The following ARHGEF37 variants were observed in gnomAD, a reference collection of about 807,000 sequenced individuals.
ARHGEF37 encodes Rho guanine nucleotide exchange factor (GEF) 37.
A neutral mutation model predicts 71.1 loss-of-function variants in ARHGEF37; 55 were observed. The ratio of observed to expected loss-of-function variants is 0.77; its 90% CI spans 0.62 to 0.97. The LOEUF is 0.97. ARHGEF37 is among the 50% of genes least tolerant of loss of function. The pLI is 0.00. For missense variants in ARHGEF37, 765 were observed against 836.8 expected (o/e 0.91, Z 1.06); for synonymous variants, 327 against 350.6 (o/e 0.93, Z 0.75).
rs1752916536 is a variant in ARHGEF37 at position 149,632,517 on chromosome 5, T to A, written c.*326T>A. 3 of 309,064 alleles carry A rather than the reference T, an allele frequency of 9.7e-6. No homozygotes were observed. The highest frequency in any genetic ancestry group is 2.1e-5 in the African/African-American group (1 of 48,092). 19.1% of individuals were successfully genotyped at this position (309,064 alleles called of 1,614,324 possible). A position where few individuals can be genotyped will look rare whatever the true frequency, so the allele number is the denominator to read the frequency against. On this transcript the variant is annotated 3_prime_UTR_variant, in exon 13 of 13. Coordinates refer to ENST00000333677, the MANE Select transcript of ARHGEF37 (RefSeq NM_001001669.3). The stretch of plus-strand genomic sequence containing the variant: ...GGTTATGGCCAGTCTTAGCTGTGCC[T>A]GCATCCGGGCCTGCCTGTGGGCGTG...
intron 7 of ARHGEF37, among the ~76,000 whole-genome samples, chr5:149,619,665 C>G (rs1364727980): frequency 6.6e-6 from 1 of 151,906 alleles, no homozygotes; most frequent in Non-Finnish European, 1.5e-5. Context: ...ATGTGAGCAA[C>G]TAATTAAATG....
At chr5:149,614,870 G>A (rs1752330585) in intron 4 of ARHGEF37, among the ~76,000 whole-genome samples, 1 of 152,168 alleles carries the variant, frequency 6.6e-6, no homozygotes, top group Non-Finnish European at 1.5e-5. Context: ...AGTATCATCA[G>A]GGAGGGCCCA....
intron 12 of ARHGEF37, among the ~76,000 whole-genome samples, chr5:149,629,215 G>GATTC (rs34166602): frequency 0.069 from 10,441 of 151,300 alleles, 1,018 homozygotes; most frequent in African/African-American, 0.22. Context: ...GGGCAAGTGA[G>GATTC]ATTCATTCAT....
intron 4 of ARHGEF37, among the ~76,000 whole-genome samples, chr5:149,612,334 A>AT (rs757269289): frequency 1.3e-5 from 2 of 152,128 alleles, no homozygotes; most frequent in East Asian, 1.9e-4. Flanking sequence ...CGCCCGGCTA[A>AT]TTTTTTGTAT....
chr5:149,629,357 A>T (rs895365437), intron 12 of ARHGEF37, among the ~76,000 whole-genome samples: 35 of 152,356 alleles, frequency 2.3e-4, no homozygotes, highest in African/African-American at 7.9e-4. Flanking sequence ...AACAGTGATT[A>T]AGAAAATAAT....
intron 1 of ARHGEF37, among the ~76,000 whole-genome samples, chr5:149,583,008 T>A (rs1397188243): frequency 6.6e-6 from 1 of 152,234 alleles, no homozygotes; most frequent in Non-Finnish European, 1.5e-5. Flanking sequence ...AGCAAGGTAC[T>A]ACCCTCAATA....
At chr5:149,604,879 C>T (rs945653548) in intron 3 of ARHGEF37, among the ~76,000 whole-genome samples, 3 of 150,870 alleles carry the variant, frequency 2.0e-5, no homozygotes, top group Non-Finnish European at 3.0e-5. Context: ...GACTGGGTTT[C>T]GCCATGTTGG....
intron 1 of ARHGEF37, among the ~76,000 whole-genome samples, chr5:149,562,566 C>T (rs1011195011): frequency 4.6e-5 from 7 of 152,184 alleles, no homozygotes; most frequent in Non-Finnish European, 7.3e-5. Flanking sequence ...CCTCAACCTC[C>T]CGAGTAGCTG....
chr5:149,567,785 T>G (rs910457415), intron 1 of ARHGEF37, among the ~76,000 whole-genome samples: 1 of 152,242 alleles, frequency 6.6e-6, no homozygotes, highest in Non-Finnish European at 1.5e-5. Context: ...ATAAATTGTT[T>G]CAGGCCCTTC....
At chr5:149,631,365 T>C (rs1752881156) in intron 12 of ARHGEF37, among the ~76,000 whole-genome samples, 1 of 152,040 alleles carries the variant, frequency 6.6e-6, no homozygotes, top group South Asian at 2.1e-4. Flanking sequence ...GAGGCAGGGT[T>C]TCACCATGTT....
At chr5:149,597,610 C>T in intron 1 of ARHGEF37, 149 bp from the exon 2 acceptor site, 1 of 655,416 alleles carries the variant, frequency 1.5e-6, no homozygotes, top group South Asian at 2.7e-5. Context: ...CAGGTACTGC[C>T]TACAAATGCT....
intron 1 of ARHGEF37, among the ~76,000 whole-genome samples, chr5:149,588,019 C>G (rs2113279354): frequency 6.6e-6 from 1 of 151,496 alleles, no homozygotes; most frequent in South Asian, 2.1e-4. Flanking sequence ...GCCTCAGCCT[C>G]CTGAGTAGCT....
rs778147068 is a variant in ARHGEF37, at chr5:149,616,613, C to T, written c.505C>T (p.Leu169=). The T allele has an allele frequency of 6.2e-7, 1 of 1,612,550 alleles. No homozygotes were observed. Among genetic ancestry groups the T allele is most frequent in the South Asian group, 1.1e-5 (1 of 90,986 alleles). The change falls in exon 5 of 13, where the codon CTG becomes TTG. Residue 169 remains leucine, a synonymous_variant. Transcript: ENST00000333677. The stretch of plus-strand genomic sequence containing the variant: ...CCTCAGTTTCTTGCTGGTAATTCCT[C>T]TGCAGAGGATCACCAGGTACCCACT... ...SGLSFLLVIP[L]QRITRYPLLL... is the part of the protein sequence containing the mutation.
At position 149,613,097 on chromosome 5, in the gene ARHGEF37, G is replaced by A. The variant is rs115722204; in HGVS notation, c.458+3402G>A. On this transcript the variant is annotated intron_variant, in intron 4 of 12. Coordinates refer to ENST00000333677, the MANE Select transcript of ARHGEF37 (RefSeq NM_001001669.3). ...CAAAGCACTGCAATTCCAGAATGATGGCTGAGGCAGCAGAGTTTGGAGAAG... is the reference window on the plus strand; with the variant it reads ...CAAAGCACTGCAATTCCAGAATGATAGCTGAGGCAGCAGAGTTTGGAGAAG... Among the ~76,000 whole-genome samples the A allele has an allele frequency of 7.4e-3, 1,133 of 152,322 alleles. 19 individuals are homozygous for A. Among genetic ancestry groups the A allele is most frequent in the African/African-American group, 0.026 (1,088 of 41,572 alleles).
chr5:149,610,034 G>A (rs76576966), intron 4 of ARHGEF37, among the ~76,000 whole-genome samples: 3,895 of 152,322 alleles, frequency 0.026, 163 homozygotes, highest in African/African-American at 0.09. Context: ...GCTCTGGAGA[G>A]TCTAATGCTG....
intron 1 of ARHGEF37, among the ~76,000 whole-genome samples, chr5:149,574,779 T>C (rs1381111205): frequency 6.6e-6 from 1 of 152,180 alleles, no homozygotes; most frequent in Non-Finnish European, 1.5e-5. Context: ...GCCCAGGTAG[T>C]CATCTCCTTA....
intron 12 of ARHGEF37, 140 bp downstream of exon 12, chr5:149,629,106 C>T: frequency 6.2e-6 from 7 of 1,133,666 alleles, no homozygotes; most frequent in Non-Finnish European, 7.2e-6. Context: ...TGATCAATGG[C>T]CATGCCAGTG....
rs571049072 is a variant in ARHGEF37 at position 149,621,350 on chromosome 5, G to A, written c.1006-383G>A. 6.2e-4 allele frequency among the ~76,000 whole-genome samples: 95 copies of A among 152,184 alleles called. 1 individual carries two copies. The highest frequency in any genetic ancestry group is 2.3e-3 in the African/African-American group (94 of 41,538). ...TGTGGTGGCATGTGCTAAGGTGGGAGGATCGCTTGAGCCTGACAGGTAGGC... is the reference window on the plus strand; with the variant it reads ...TGTGGTGGCATGTGCTAAGGTGGGAAGATCGCTTGAGCCTGACAGGTAGGC... On this transcript the variant is annotated intron_variant, in intron 8 of 12. Coordinates refer to ENST00000333677, the MANE Select transcript of ARHGEF37 (RefSeq NM_001001669.3).
Position 149,622,031 on chromosome 5 carries a change from T to A in ARHGEF37, c.1304T>A (p.Val435Glu). ...VTLQRDLAKQ[V>E]LQRAEGSMAQ... ...CTCCAGAGGGACCTTGCAAAGCAAG[T>A]GCTGCAGAGGGCAGAGGGAAGCATG... is the stretch of plus-strand genomic sequence containing the variant. Residue 435 changes from valine (V) to glutamate (E), a missense_variant, in exon 9 of 13, where the codon GTG becomes GAG. Around this residue, in one of 5 missense-constraint regions of ARHGEF37, gnomAD observed 390 missense variants for 407.4 expected, o/e 0.96. Transcript: ENST00000333677. 1 of 1,613,680 alleles carries A rather than the reference T, an allele frequency of 6.2e-7. No individual in the cohort carries two copies. Among genetic ancestry groups the A allele is most frequent in the Non-Finnish European group, 8.5e-7 (1 of 1,179,738 alleles).
Sources: allele counts gnomAD v4.1 joint callset (sites outside exome capture counted in the v4.1 genomes callset), GRCh38; gene constraint gnomAD v4.1.1; regional missense constraint gnomAD v4.1.1; transcripts MANE v1.5; gene names NCBI Gene and HGNC (gene_info 2026-07-23, HGNC 2026-07-21).